SLC35F1: variants seen among roughly 807,000 people sequenced by gnomAD.
SLC35F1 encodes the protein solute carrier family 35 member F1.
In SLC35F1, 14 loss-of-function variants were observed where a neutral mutation model predicts 48.7. The ratio of observed to expected loss-of-function variants is 0.29; its 90% CI spans 0.19 to 0.45. SLC35F1 has a LOEUF of 0.45. Among genes scored for constraint, SLC35F1 ranks in the 20% least tolerant of loss-of-function variants. The pLI is 1.00. For missense variants in SLC35F1, 404 were observed against 500.0 expected, an observed-to-expected ratio of 0.81 and a Z score of 1.83; for synonymous variants, 190 against 202.2, an observed-to-expected ratio of 0.94 and a Z score of 0.51.
intron 1 of SLC35F1, among the ~76,000 whole-genome samples, chr6:117,910,290 C>T (rs1775745495): frequency 6.6e-6 from 1 of 152,098 alleles, no homozygotes; most frequent in Admixed American, 6.5e-5. Context: ...GGATGTGGCT[C>T]CCCTCTGGTT....
At chr6:118,278,811 A>T (rs75720864) in intron 6 of SLC35F1, among the ~76,000 whole-genome samples, 1 of 152,264 alleles carries the variant, frequency 6.6e-6, no homozygotes, top group African/African-American at 2.4e-5. Flanking sequence ...GCAGTGGTCC[A>T]TGAGTATAAA....
At position 117,994,115 on chromosome 6, in the gene SLC35F1, G is replaced by A. The variant is rs537447664; in HGVS notation, c.173+86216G>A. Among the ~76,000 whole-genome samples the A allele has an allele frequency of 3.9e-5, 6 of 152,130 alleles. No homozygotes were observed. In the East Asian group the frequency reaches 1.2e-3, roughly 30 times the overall value. On this transcript the variant is annotated intron_variant, in intron 1 of 7. Coordinates refer to ENST00000360388, the MANE Select transcript of SLC35F1 (RefSeq NM_001029858.4). ...AAGCAGAATTAAGTTCCCTGTGGTT[G>A]TAGGACTCAGGTCCCTGTTTCCTTG...
chr6:118,285,501 G>A (rs907130770), intron 7 of SLC35F1, among the ~76,000 whole-genome samples, 163 bp downstream of exon 7: 1 of 152,174 alleles, frequency 6.6e-6, no homozygotes, highest in African/African-American at 2.4e-5. Context: ...TCAGCTATAA[G>A]ACAGAGACAT....
At chr6:117,929,469 G>A (rs1776072674) in intron 1 of SLC35F1, among the ~76,000 whole-genome samples, 1 of 151,562 alleles carries the variant, frequency 6.6e-6, no homozygotes. Context: ...GTGTGTGTGT[G>A]TGTGTGTGTG....
chr6:117,966,136 C>CT (rs1554219354), intron 1 of SLC35F1, among the ~76,000 whole-genome samples: 2 of 140,934 alleles, frequency 1.4e-5, no homozygotes, highest in African/African-American at 5.3e-5. Context: ...CCACCGCCCC[C>CT]CCCCCCACTC....
intron 3 of SLC35F1, among the ~76,000 whole-genome samples, chr6:118,236,599 T>C (rs375320555): frequency 6.6e-6 from 1 of 152,234 alleles, no homozygotes; most frequent in Admixed American, 6.5e-5. Flanking sequence ...TTTCCTACCA[T>C]CTGATTTTCA....
rs1293004414 is a variant in SLC35F1, at chr6:118,066,883, T to C, written c.174-87562T>C. ...CCAAGCTATTCACTTAAAATGCAGA[T>C]TACCAGACCATGACTCCTTCACCCC... On this transcript the variant is annotated intron_variant, in intron 1 of 7. Transcript: ENST00000360388. Among the ~76,000 whole-genome samples the C allele has an allele frequency of 2.0e-5, 3 of 151,744 alleles. No homozygotes were observed. The East Asian group carries it at 5.9e-4, about 30-fold the overall frequency.
At chr6:117,999,354 C>A in intron 1 of SLC35F1, 1 of 1,592,020 alleles carries the variant, frequency 6.3e-7, no homozygotes, top group Non-Finnish European at 8.5e-7. Context: ...AAGGCCAAGG[C>A]CAAGGATCAA....
At chr6:118,158,645 T>C (rs865904100) in intron 2 of SLC35F1, among the ~76,000 whole-genome samples, 1 of 152,244 alleles carries the variant, frequency 6.6e-6, no homozygotes, top group South Asian at 2.1e-4. Flanking sequence ...GTGAGGTTAT[T>C]ATGAAAGCCT....
chr6:117,939,999 A>C (rs1776208677), intron 1 of SLC35F1, among the ~76,000 whole-genome samples: 1 of 152,234 alleles, frequency 6.6e-6, no homozygotes, highest in African/African-American at 2.4e-5. Context: ...CTAGGAGCAC[A>C]CAGTGGGTGC....
At chr6:118,043,157 A>G (rs1772251425) in intron 1 of SLC35F1, among the ~76,000 whole-genome samples, 2 of 152,208 alleles carry the variant, frequency 1.3e-5, no homozygotes, top group African/African-American at 4.8e-5. Context: ...GCTCCTTAGC[A>G]GTATACACAT....
intron 1 of SLC35F1, among the ~76,000 whole-genome samples, chr6:117,976,515 T>C (rs1776707322): frequency 8.4e-5 from 1 of 11,968 alleles, no homozygotes; most frequent in African/African-American, 2.5e-4. Context: ...TTTACTGTAT[T>C]ATTTAGATGA....
chr6:118,130,215 G>A (rs768896893), intron 1 of SLC35F1, among the ~76,000 whole-genome samples: 22 of 152,148 alleles, frequency 1.4e-4, no homozygotes, highest in Admixed American at 1.3e-3. Context: ...AAGATGAGAT[G>A]ACTTAGTACC....
intron 3 of SLC35F1, among the ~76,000 whole-genome samples, chr6:118,242,709 AAAG>A (rs1775456705): frequency 6.6e-6 from 1 of 152,248 alleles, no homozygotes; most frequent in Admixed American, 6.5e-5. Context: ...CTTCTTATCC[AAAG>A]ATTATTCATC....
At chr6:118,148,244 A>C (rs1467957077) in intron 1 of SLC35F1, among the ~76,000 whole-genome samples, 1 of 152,240 alleles carries the variant, frequency 6.6e-6, no homozygotes, top group Non-Finnish European at 1.5e-5. Context: ...ATTCAAGATG[A>C]TAACATAATT....
At chr6:118,162,434 G>A (rs1438601937) in intron 2 of SLC35F1, among the ~76,000 whole-genome samples, 1 of 152,100 alleles carries the variant, frequency 6.6e-6, no homozygotes, top group Non-Finnish European at 1.5e-5. Flanking sequence ...AATGTTCTGT[G>A]TATCTCGATT....
intron 2 of SLC35F1, among the ~76,000 whole-genome samples, chr6:118,206,345 G>A (rs1005019875): frequency 6.6e-6 from 1 of 152,072 alleles, no homozygotes; most frequent in Admixed American, 6.5e-5. Context: ...TTCACAGGGG[G>A]CCAATTTTGG....
rs73519594 is a variant in SLC35F1, at chr6:117,987,633, T to G, written c.173+79734T>G. 8.5e-3 allele frequency among the ~76,000 whole-genome samples: 1,301 copies of G among 152,288 alleles called. 24 individuals carry two copies. The highest frequency in any genetic ancestry group is 0.03 in the African/African-American group (1,237 of 41,546). On this transcript the variant is annotated intron_variant, in intron 1 of 7. Transcript: ENST00000360388. ...TCAAAAAGCCTGGTGATTACCTGCT[T>G]AAGAATGGCATGGGGGTGGTGTAGA...
At chr6:118,233,165 C>T (rs1044617849) in intron 2 of SLC35F1, among the ~76,000 whole-genome samples, 1 of 152,170 alleles carries the variant, frequency 6.6e-6, no homozygotes, top group Admixed American at 6.5e-5. Context: ...CAGAGTTTCA[C>T]CACGTTGGCC....
Sources: gnomAD v4.1 joint callset for allele counts (sites outside exome capture counted in the v4.1 genomes callset) on GRCh38, gnomAD v4.1.1 for gene constraint, MANE v1.5 for transcripts, NCBI Gene and HGNC (gene_info 2026-07-23, HGNC 2026-07-21) for gene names.